The following TGM2 variants were observed in gnomAD, a reference collection of about 807,000 sequenced individuals.
TGM2 encodes the protein transglutaminase 2, also known as protein-glutamine gamma-glutamyltransferase 2.
Under a neutral mutation model 75.6 loss-of-function variants are expected in TGM2, and 53 were observed. The ratio of observed to expected loss-of-function variants is 0.70; its 90% CI spans 0.56 to 0.88. The LOEUF is 0.88. Among genes scored for constraint, TGM2 ranks in the 40% least tolerant of loss-of-function variants. TGM2 has a pLI of 0.00. For synonymous variants in TGM2, 374 were observed against 381.1 expected, an observed-to-expected ratio of 0.98 and a Z score of 0.22; for missense variants, 842 against 928.5, an observed-to-expected ratio of 0.91 and a Z score of 1.21.
At chr20:38,135,369 G>A (rs755369727) in intron 10 of TGM2, among the ~76,000 whole-genome samples, 4 of 150,320 alleles carry the variant, frequency 2.7e-5, no homozygotes, top group South Asian at 2.1e-4. Context: ...CAATATATCC[G>A]TGTAACAAAA....
chr20:38,143,373 G>A (rs1229471589), intron 6 of TGM2, among the ~76,000 whole-genome samples: 1 of 152,222 alleles, frequency 6.6e-6, no homozygotes, highest in Admixed American at 6.5e-5. Context: ...CATTCCCAAT[G>A]TACAAGAACA....
intron 5 of TGM2, among the ~76,000 whole-genome samples, 182 bp from the exon 6 acceptor site, chr20:38,147,076 G>C (rs755986061): frequency 3.9e-5 from 6 of 152,110 alleles, no homozygotes; most frequent in Non-Finnish European, 7.4e-5. Context: ...GGGGGCTGGA[G>C]CCGGGGGACA....
intron 3 of TGM2, among the ~76,000 whole-genome samples, chr20:38,153,750 A>G (rs1222611323): frequency 6.6e-6 from 1 of 152,056 alleles, no homozygotes; most frequent in East Asian, 1.9e-4. Context: ...AATATCTAAC[A>G]ATGGTGTCCC....
chr20:38,155,321 G>A (rs761864933), intron 3 of TGM2, among the ~76,000 whole-genome samples: 7 of 152,082 alleles, frequency 4.6e-5, no homozygotes, highest in Non-Finnish European at 7.4e-5. Context: ...ATGTGGAATT[G>A]GGCATATCAT....
intron 1 of TGM2, among the ~76,000 whole-genome samples, chr20:38,164,597 C>T (rs925117724): frequency 2.6e-5 from 4 of 152,136 alleles, no homozygotes; most frequent in African/African-American, 2.4e-5. Context: ...AAACCTTGTC[C>T]TATAAAATAA....
intron 3 of TGM2, among the ~76,000 whole-genome samples, chr20:38,153,736 G>A (rs1158867117): frequency 3.9e-5 from 6 of 152,020 alleles, no homozygotes; most frequent in East Asian, 1.9e-4. Context: ...GTGAGCCCCC[G>A]CAAAATATCT....
At chr20:38,160,506 A>G (rs942897701) in intron 2 of TGM2, among the ~76,000 whole-genome samples, 2 of 152,166 alleles carry the variant, frequency 1.3e-5, no homozygotes, top group Non-Finnish European at 2.9e-5. Flanking sequence ...CAACCTTCCA[A>G]TGTGAGGGCT....
intron 6 of TGM2, among the ~76,000 whole-genome samples, chr20:38,143,470 C>T (rs1050655609): frequency 7.2e-5 from 11 of 152,202 alleles, no homozygotes; most frequent in Non-Finnish European, 1.2e-4. Flanking sequence ...TACCTGCCAA[C>T]GCCCTGTTTG....
At chr20:38,138,483 C>T in intron 9 of TGM2, 98 bp from the exon 10 acceptor site, 1 of 1,600,716 alleles carries the variant, frequency 6.2e-7, no homozygotes, top group Non-Finnish European at 8.5e-7. Context: ...CCTGATGACT[C>T]AGGGCAGCCA....
Position 38,161,532 on chromosome 20 carries a change from C to T in TGM2, c.78G>A (p.Leu26=), listed in dbSNP as rs370555989. The change falls in exon 2 of 13, where the codon CTG becomes CTA. Residue 26 remains leucine, a synonymous_variant. Transcript: ENST00000361475. ...TNGRDHHTAD[L]CREKLVVRRG... The stretch of plus-strand genomic sequence containing the variant: ...GTCGCACCACCAGCTTCTCCCGGCA[C>T]AGGTCGGCCGTGTGGTGGTCTCGGC... 3.7e-5 allele frequency: 60 copies of T among 1,614,062 alleles called. No individual in the cohort carries two copies. The African/African-American group carries it at 5.3e-4, about 14-fold the overall frequency.
chr20:38,148,193 C>G (rs1236281075), intron 4 of TGM2, 104 bp from the exon 5 acceptor site: 2 of 1,490,282 alleles, frequency 1.3e-6, no homozygotes, highest in East Asian at 2.3e-5. Context: ...CTGTCCCACA[C>G]AGCAGACTGG....
upstream of TGM2, chr20:38,165,273 C>A: frequency 6.2e-7 from 1 of 1,605,280 alleles, no homozygotes; most frequent in Non-Finnish European, 8.5e-7. Context: ...CTGGCACTGC[C>A]GAGGCGGAGA....
At chr20:38,167,164 C>T (rs187064015), upstream of TGM2, among the ~76,000 whole-genome samples, 17 of 152,188 alleles carry the variant, frequency 1.1e-4, no homozygotes, top group African/African-American at 1.4e-4. Context: ...CTGGCTATTT[C>T]GGGACCTCAA....
chr20:38,153,783 G>A (rs940477644), intron 3 of TGM2, among the ~76,000 whole-genome samples: 2 of 152,104 alleles, frequency 1.3e-5, no homozygotes, highest in African/African-American at 4.8e-5. Flanking sequence ...GGTCAAAGGG[G>A]GAGGCCATTT....
intron 10 of TGM2, among the ~76,000 whole-genome samples, chr20:38,135,641 G>T (rs899954051): frequency 6.6e-5 from 10 of 152,060 alleles, no homozygotes; most frequent in African/African-American, 2.2e-4. Flanking sequence ...TCCTGTCTCG[G>T]ACTCTCGGGG....
intron 10 of TGM2, 170 bp from the exon 11 acceptor site, chr20:38,132,670 G>A (rs2074850414): frequency 2.2e-6 from 2 of 910,910 alleles, no homozygotes; most frequent in East Asian, 5.1e-5. Flanking sequence ...TTCCCAGCGA[G>A]GAGCTGGAGA....
chr20:38,156,707 C>T (rs983399375), intron 2 of TGM2, among the ~76,000 whole-genome samples: 4 of 152,126 alleles, frequency 2.6e-5, no homozygotes, highest in Admixed American at 2.0e-4. Flanking sequence ...TAGGCAGTTC[C>T]GAGATGCTGG....
In TGM2 at chr20:38,127,427, G is replaced by A; in HGVS notation, c.*2792C>T. The A allele has an allele frequency of 1.0e-6, 1 of 958,560 alleles. No individual in the cohort carries two copies. The highest frequency in any genetic ancestry group is 1.2e-6 in the Non-Finnish European group (1 of 805,420). 59.4% of individuals were successfully genotyped at this position (958,560 alleles called of 1,614,324 possible). A position where few individuals can be genotyped will look rare whatever the true frequency, so the allele number is the denominator to read the frequency against. The stretch of plus-strand genomic sequence containing the variant: ...ATTTTGATTTATTTTTTATGTGCAT[G>A]TCATGTCTTTCTACATGACTTCCCA... On this transcript the variant is annotated 3_prime_UTR_variant, in exon 13 of 13. Transcript: ENST00000361475.
chr20:38,154,057 A>T (rs2122945042), intron 3 of TGM2, among the ~76,000 whole-genome samples: 1 of 152,160 alleles, frequency 6.6e-6, no homozygotes, highest in South Asian at 2.1e-4. Flanking sequence ...GCCTCAAGTG[A>T]TCCCCCTGCC....
Sources: allele counts gnomAD v4.1 joint callset (sites outside exome capture counted in the v4.1 genomes callset), GRCh38; gene constraint gnomAD v4.1.1; transcripts MANE v1.5; gene names NCBI Gene and HGNC (gene_info 2026-07-23, HGNC 2026-07-21).